The following XRN2 variants were observed in gnomAD, a reference collection of about 807,000 sequenced individuals.
XRN2 encodes the protein 5'-3' exoribonuclease 2, also known as DHM1-like protein.
Under a neutral mutation model 138.5 loss-of-function variants are expected in XRN2, and 44 were observed. The ratio of observed to expected loss-of-function variants is 0.32; its 90% CI spans 0.25 to 0.41. The LOEUF (loss-of-function observed/expected upper bound fraction) is 0.41, where lower values mean the gene tolerates loss of function less well. XRN2 is among the 10% of genes least tolerant of loss of function. The pLI is 1.00. For synonymous variants in XRN2, 354 were observed against 369.4 expected, an observed-to-expected ratio of 0.96 and a Z score of 0.48; for missense variants, 937 against 1,169.3, an observed-to-expected ratio of 0.80 and a Z score of 2.90.
At chr20:21,333,497 A>G in intron 9 of XRN2, 47 bp from the exon 10 acceptor site, 2 of 1,585,364 alleles carry the variant, frequency 1.3e-6, no homozygotes, top group South Asian at 2.2e-5. Flanking sequence ...GGAAAAAATT[A>G]CTGGACGTAG....
intron 20 of XRN2, among the ~76,000 whole-genome samples, chr20:21,354,169 G>T (rs955076002): frequency 3.9e-5 from 6 of 152,230 alleles, no homozygotes; most frequent in African/African-American, 1.4e-4. Flanking sequence ...TACTCCAGAG[G>T]ATCATTTTAA....
Position 21,303,382 on chromosome 20 carries a change from T to C in XRN2, c.-17T>C, listed in dbSNP as rs2037765494. 1 of 1,546,420 alleles carries C rather than the reference T, an allele frequency of 6.5e-7. No homozygotes were observed. The highest frequency in any genetic ancestry group is 8.7e-7 in the Non-Finnish European group (1 of 1,145,366). On this transcript the variant is annotated 5_prime_UTR_variant, in exon 1 of 30. Transcript: ENST00000377191. ...GCTCGTCAGCCGGTCGGCCGCCGCCTCCAGCCGTGTGCCGCTATGGGAGTC... is the reference window on the plus strand; with the variant it reads ...GCTCGTCAGCCGGTCGGCCGCCGCCCCCAGCCGTGTGCCGCTATGGGAGTC...
At chr20:21,366,497 C>T (rs1420739079) in intron 26 of XRN2, among the ~76,000 whole-genome samples, 5 of 149,888 alleles carry the variant, frequency 3.3e-5, no homozygotes, top group African/African-American at 1.2e-4. Flanking sequence ...GCGGAGCTTG[C>T]AGTGAGCTGA....
intron 19 of XRN2, among the ~76,000 whole-genome samples, 165 bp downstream of exon 19, chr20:21,348,595 C>G (rs562712360): frequency 1.1e-4 from 16 of 152,262 alleles, no homozygotes; most frequent in African/African-American, 3.9e-4. Flanking sequence ...TGGCCCTGCA[C>G]AGTAAATCAG....
At chr20:21,329,856 G>GGTGT (rs60020864) in intron 4 of XRN2, among the ~76,000 whole-genome samples, 2,660 of 145,986 alleles carry the variant, frequency 0.018, 24 homozygotes, top group Middle Eastern at 0.039. Flanking sequence ...GCCTCTAACT[G>GGTGT]GTGTGTGTGT....
intron 28 of XRN2, among the ~76,000 whole-genome samples, chr20:21,386,266 C>T (rs2038935318): frequency 6.6e-6 from 1 of 152,214 alleles, no homozygotes; most frequent in Admixed American, 6.5e-5. Context: ...AATTAGTGCT[C>T]ATGTTGCTAG....
In XRN2 at chr20:21,333,765, T is replaced by C. The variant is rs1464593202; in HGVS notation, c.995T>C (p.Ile332Thr). ...LPFTFDVERSIDDWVFMCFFV... is the reference protein window; with the variant it reads ...LPFTFDVERSTDDWVFMCFFV... ...TTCACATTTGATGTTGAGAGGAGCA[T>C]TGATGACTGGGTTTTCATGTGCTTC... Residue 332 changes from isoleucine (I) to threonine (T), a missense_variant, in exon 11 of 30, where the codon ATT becomes ACT. Ile to Thr is a moderately conservative substitution (Grantham distance 89). This residue lies in a region of XRN2 where 471 missense variants were observed against 581.2 expected (regional missense o/e 0.81). Coordinates refer to ENST00000377191, the MANE Select transcript of XRN2 (RefSeq NM_012255.5). 5.0e-6 allele frequency: 8 copies of C among 1,614,040 alleles called. No homozygotes were observed. The highest frequency in any genetic ancestry group is 6.8e-6 in the Non-Finnish European group (8 of 1,180,024).
chr20:21,326,676 GC>G (rs1182914805), intron 3 of XRN2, 75 bp downstream of exon 3: 3 of 1,164,168 alleles, frequency 2.6e-6, no homozygotes, highest in Non-Finnish European at 3.7e-6. Flanking sequence ...ATGAAAGTCA[GC>G]TAAATAATGA....
intron 1 of XRN2, among the ~76,000 whole-genome samples, chr20:21,314,580 G>T (rs2037931606): frequency 6.6e-6 from 1 of 152,044 alleles, no homozygotes; most frequent in African/African-American, 2.4e-5. Flanking sequence ...TTGAACTCCT[G>T]GGTTCAAGCG....
intron 20 of XRN2, among the ~76,000 whole-genome samples, chr20:21,350,216 G>A (rs371702274): frequency 1.3e-5 from 2 of 152,074 alleles, no homozygotes; most frequent in African/African-American, 4.8e-5. Flanking sequence ...AATGATGATT[G>A]AATGTAAAAT....
At chr20:21,372,370 G>A (rs2038773036) in intron 27 of XRN2, among the ~76,000 whole-genome samples, 1 of 152,028 alleles carries the variant, frequency 6.6e-6, no homozygotes, top group Non-Finnish European at 1.5e-5. Flanking sequence ...ATGGCAAGTA[G>A]TTGGGTGGTG....
intron 19 of XRN2, 97 bp from the exon 20 acceptor site, chr20:21,349,292 C>A: frequency 1.2e-6 from 1 of 854,234 alleles, no homozygotes; most frequent in South Asian, 1.5e-5. Flanking sequence ...TTTATTTTCT[C>A]ATCAGACCTT....
chr20:21,326,222 A>T, intron 1 of XRN2, 57 bp from the exon 2 acceptor site: 2 of 1,560,534 alleles, frequency 1.3e-6, no homozygotes, highest in South Asian at 1.2e-5. Flanking sequence ...TGAGCCTAGG[A>T]TCTGTCATTT....
At chr20:21,389,187 A>G in intron 29 of XRN2, 86 bp from the exon 30 acceptor site, 3 of 1,199,806 alleles carry the variant, frequency 2.5e-6, no homozygotes, top group East Asian at 2.5e-5. Flanking sequence ...TTTCCTTATG[A>G]TGTGTTTTTC....
chr20:21,375,907 C>T (rs62217958), intron 27 of XRN2, among the ~76,000 whole-genome samples: 14,116 of 151,614 alleles, frequency 0.093, 1,123 homozygotes, highest in African/African-American at 0.21. Flanking sequence ...GGCGCAATCT[C>T]GGCTCACTGC....
intron 13 of XRN2, among the ~76,000 whole-genome samples, chr20:21,338,622 T>A (rs928286571): frequency 1.3e-5 from 2 of 152,174 alleles, no homozygotes; most frequent in Admixed American, 6.5e-5. Flanking sequence ...GCTGATTTTT[T>A]TAAAAATGGA....
chr20:21,344,446 A>G (rs1449542693), intron 16 of XRN2, among the ~76,000 whole-genome samples: 7 of 152,014 alleles, frequency 4.6e-5, no homozygotes, highest in Non-Finnish European at 7.4e-5. Flanking sequence ...CCTCCAATCC[A>G]CTTTTCCCTC....
chr20:21,350,343 A>G (rs898866305), intron 20 of XRN2, among the ~76,000 whole-genome samples: 16 of 151,906 alleles, frequency 1.1e-4, no homozygotes, highest in African/African-American at 3.1e-4. Flanking sequence ...TGGCTAACAC[A>G]GTGAAACACC....
intron 23 of XRN2, 146 bp downstream of exon 23, chr20:21,356,811 T>A: frequency 2.7e-6 from 2 of 738,638 alleles, no homozygotes; most frequent in Non-Finnish European, 4.3e-6. Flanking sequence ...GAAAAATGCT[T>A]GGGTTCAAAG....
Sources: allele counts gnomAD v4.1 joint callset (sites outside exome capture counted in the v4.1 genomes callset), GRCh38; gene constraint gnomAD v4.1.1; regional missense constraint gnomAD v4.1.1; transcripts MANE v1.5; gene names NCBI Gene and HGNC (gene_info 2026-07-23, HGNC 2026-07-21).